The following ZRANB3 variants were observed in gnomAD, a reference collection of about 807,000 sequenced individuals.
ZRANB3 encodes the protein DNA annealing helicase and endonuclease ZRANB3.
A neutral mutation model predicts 133.8 loss-of-function variants in ZRANB3; 125 were observed. That is an observed-to-expected ratio of 0.93 (90% CI 0.81 to 1.08). The LOEUF (loss-of-function observed/expected upper bound fraction) is 1.08. Among genes scored for constraint, ZRANB3 ranks in the 50% least tolerant of loss-of-function variants. ZRANB3 has a pLI of 0.00. For missense variants in ZRANB3, 1,229 were observed against 1,275.5 expected, an observed-to-expected ratio of 0.96 and a Z score of 0.56; for synonymous variants, 387 against 432.7, an observed-to-expected ratio of 0.89 and a Z score of 1.31.
chr2:135,426,776 G>A (rs1193174181), intron 2 of ZRANB3, among the ~76,000 whole-genome samples: 2 of 131,890 alleles, frequency 1.5e-5, no homozygotes, highest in African/African-American at 2.9e-5. Flanking sequence ...AGCTTGCAGC[G>A]AGCCAAGATG....
At position 135,398,171 on chromosome 2, in the gene ZRANB3, T is replaced by C. The variant is rs190418969; in HGVS notation, c.162-7351A>G. ...AGCTCTGCCTCCCGGGTTCACGCCATTCTCCTGCCTCAGCCTCCCAAGTAG... is the reference window on the plus strand; with the variant it reads ...AGCTCTGCCTCCCGGGTTCACGCCACTCTCCTGCCTCAGCCTCCCAAGTAG... On this transcript the variant is annotated intron_variant, in intron 2 of 20. Coordinates refer to ENST00000264159, the MANE Select transcript of ZRANB3 (RefSeq NM_032143.4). 7.0e-3 allele frequency among the ~76,000 whole-genome samples: 1,062 copies of C among 152,032 alleles called. 11 individuals carry two copies. The highest frequency in any genetic ancestry group is 0.024 in the African/African-American group (995 of 41,456).
intron 2 of ZRANB3, among the ~76,000 whole-genome samples, chr2:135,392,497 C>T (rs1026058086): frequency 2.6e-5 from 4 of 152,030 alleles, no homozygotes; most frequent in African/African-American, 9.7e-5. Flanking sequence ...CGCCTGTAAT[C>T]CCAGCACTTT....
chr2:135,205,300 C>T (rs1445358389), intron 19 of ZRANB3, among the ~76,000 whole-genome samples: 10 of 152,126 alleles, frequency 6.6e-5, no homozygotes, highest in Non-Finnish European at 1.3e-4. Flanking sequence ...GATACGGTCT[C>T]GCTCTGTTGC....
Position 135,407,969 on chromosome 2 carries a change from C to G in ZRANB3, c.162-17149G>C, listed in dbSNP as rs566906860. Among the ~76,000 whole-genome samples the G allele has an allele frequency of 8.7e-4, 131 of 150,092 alleles. 1 individual carries two copies. Among genetic ancestry groups the G allele is most frequent in the Middle Eastern group, 6.8e-3 (2 of 292 alleles). ...CAATGGCAACAAAAGCCAAAATTGT[C>G]AAATGGGATCTAATTAAACTAAAGA... is the stretch of plus-strand genomic sequence containing the variant. On this transcript the variant is annotated intron_variant, in intron 2 of 20. Transcript: ENST00000264159.
chr2:135,405,474 T>C (rs143695011), intron 2 of ZRANB3, among the ~76,000 whole-genome samples: 3 of 152,326 alleles, frequency 2.0e-5, no homozygotes, highest in Admixed American at 6.5e-5. Flanking sequence ...GCGGACCTAA[T>C]AGACATCTAC....
At chr2:135,392,003 C>T (rs1384732641) in intron 2 of ZRANB3, among the ~76,000 whole-genome samples, 1 of 151,934 alleles carries the variant, frequency 6.6e-6, no homozygotes, top group African/African-American at 2.4e-5. Flanking sequence ...TATTAAGTAG[C>T]AGAAAAACAA....
chr2:135,509,109 G>A (rs1693329241), intron 1 of ZRANB3, among the ~76,000 whole-genome samples: 1 of 151,826 alleles, frequency 6.6e-6, no homozygotes, highest in South Asian at 2.1e-4. Context: ...CCCACTGCAT[G>A]CCCACCAATG....
At chr2:135,269,603 T>A (rs757344171) in intron 10 of ZRANB3, among the ~76,000 whole-genome samples, 1 of 152,218 alleles carries the variant, frequency 6.6e-6, no homozygotes, top group Non-Finnish European at 1.5e-5. Flanking sequence ...CTTCCTGTGA[T>A]GTTATATTCC....
intron 10 of ZRANB3, 55 bp from the exon 11 acceptor site, chr2:135,269,196 A>G: frequency 1.4e-6 from 2 of 1,403,906 alleles, no homozygotes; most frequent in East Asian, 2.5e-5. Context: ...AATATATAAT[A>G]AAGTATTTCT....
intron 19 of ZRANB3, 32 bp from the exon 20 acceptor site, chr2:135,202,995 A>G (rs1693686015): frequency 6.2e-7 from 1 of 1,603,262 alleles, no homozygotes; most frequent in Admixed American, 1.7e-5. Context: ...AGCAATTTTC[A>G]ACATATACTG....
intron 15 of ZRANB3, among the ~76,000 whole-genome samples, chr2:135,220,809 C>A (rs1694515106): frequency 6.6e-6 from 1 of 151,076 alleles, no homozygotes; most frequent in African/African-American, 2.4e-5. Flanking sequence ...ATGTCTGTTA[C>A]TACTCTTCCT....
chr2:135,371,048 CTT>C (rs1164513025), intron 3 of ZRANB3, among the ~76,000 whole-genome samples: 1 of 152,202 alleles, frequency 6.6e-6, no homozygotes. Flanking sequence ...AATTAAACCT[CTT>C]TTATACATTG....
intron 15 of ZRANB3, among the ~76,000 whole-genome samples, chr2:135,221,417 G>A (rs923139755): frequency 5.9e-5 from 9 of 152,176 alleles, no homozygotes; most frequent in Admixed American, 5.9e-4. Context: ...GGTGGTCGCT[G>A]TGGTTTGGTT....
At chr2:135,235,153 A>G (rs1459804557) in intron 12 of ZRANB3, among the ~76,000 whole-genome samples, 7 of 152,348 alleles carry the variant, frequency 4.6e-5, no homozygotes, top group Admixed American at 4.6e-4. Context: ...AGAATACTAT[A>G]AACACCTCTA....
intron 12 of ZRANB3, among the ~76,000 whole-genome samples, chr2:135,236,679 G>A (rs1285825641): frequency 2.0e-5 from 3 of 152,162 alleles, no homozygotes; most frequent in African/African-American, 7.2e-5. Flanking sequence ...AGAAAAACAA[G>A]CAATGGGGAA....
intron 8 of ZRANB3, among the ~76,000 whole-genome samples, chr2:135,299,720 C>A (rs910010898): frequency 6.6e-6 from 1 of 152,134 alleles, no homozygotes. Flanking sequence ...ACTTTGTCCT[C>A]CTAAGAAGTA....
intron 2 of ZRANB3, among the ~76,000 whole-genome samples, chr2:135,422,554 C>G (rs1688909448): frequency 6.6e-6 from 1 of 151,970 alleles, no homozygotes; most frequent in Non-Finnish European, 1.5e-5. Context: ...CAAGTAAATT[C>G]CAGAAGGTGG....
At chr2:135,373,800 A>AGATGGGAGGG (rs1686290133) in intron 3 of ZRANB3, among the ~76,000 whole-genome samples, 1 of 14,168 alleles carries the variant, frequency 7.1e-5, no homozygotes, top group African/African-American at 1.9e-4. Flanking sequence ...AAGAAAAGAA[A>AGATGGGAGGG]GAGGGGAGGG....
At chr2:135,257,288 C>T (rs937329210) in intron 12 of ZRANB3, among the ~76,000 whole-genome samples, 7 of 152,196 alleles carry the variant, frequency 4.6e-5, no homozygotes, top group Non-Finnish European at 5.9e-5. Flanking sequence ...AGGTCTGGAT[C>T]GAGACCCCTT....
Sources: gnomAD v4.1 joint callset for allele counts (sites outside exome capture counted in the v4.1 genomes callset) on GRCh38, gnomAD v4.1.1 for gene constraint, MANE v1.5 for transcripts, NCBI Gene and HGNC (gene_info 2026-07-23, HGNC 2026-07-21) for gene names.